GLS: variants seen among roughly 807,000 people sequenced by gnomAD.
The protein encoded by GLS is glutaminase.
A neutral mutation model predicts 86.7 loss-of-function variants in GLS; 36 were observed. The ratio of observed to expected loss-of-function variants is 0.42; its 90% CI spans 0.32 to 0.55. GLS has a LOEUF of 0.55. Among genes scored for constraint, GLS ranks in the 20% least tolerant of loss-of-function variants. The pLI is 0.17. For missense variants in GLS, 528 were observed against 833.4 expected, an observed-to-expected ratio of 0.63 and a Z score of 4.51; for synonymous variants, 317 against 305.9, an observed-to-expected ratio of 1.04 and a Z score of -0.38.
rs3771307 is a variant in GLS, at chr2:190,936,679, A to G, written c.1650+5042A>G. On this transcript the variant is annotated intron_variant, in intron 14 of 17. Coordinates refer to ENST00000320717, the MANE Select transcript of GLS (RefSeq NM_014905.5). ...ACTCTGGAAAAGTGAAACCAAGAATATTAGATTTCATGTGGAATTTAAAGC... is the reference window on the plus strand; with the variant it reads ...ACTCTGGAAAAGTGAAACCAAGAATGTTAGATTTCATGTGGAATTTAAAGC... 8.2e-4 allele frequency among the ~76,000 whole-genome samples: 124 copies of G among 151,362 alleles called. 1 individual carries two copies. The East Asian group carries it at 0.018, about 22-fold the overall frequency.
At position 190,938,556 on chromosome 2, in the gene GLS, C is replaced by T. The variant is rs944383638; in HGVS notation, c.1650+6919C>T. Among the ~76,000 whole-genome samples the T allele has an allele frequency of 3.3e-5, 5 of 151,464 alleles. No individual in the cohort carries two copies. The highest frequency in any genetic ancestry group is 1.2e-4 in the African/African-American group (5 of 41,410). ...ATTTGAAAGTAATCTTAAATGTTAC[C>T]TGGTACAGACTCCCACCCCACTCAG... is the stretch of plus-strand genomic sequence containing the variant. On this transcript the variant is annotated intron_variant, in intron 14 of 17. Transcript: ENST00000320717. This position sits in a 1 kb window ranked among gnomAD's most constrained non-coding sequence, Gnocchi z 4.1.
chr2:190,896,846 G>A (rs1360627101), intron 3 of GLS, among the ~76,000 whole-genome samples: 5 of 152,098 alleles, frequency 3.3e-5, no homozygotes, highest in Non-Finnish European at 7.4e-5. Flanking sequence ...AAATTTATTT[G>A]TGTCTTTGCG....
At chr2:190,881,541 G>A (rs1439935308) in intron 1 of GLS, 71 bp downstream of exon 1, 2 of 1,383,760 alleles carry the variant, frequency 1.4e-6, no homozygotes, top group Non-Finnish European at 2.0e-6. Flanking sequence ...GTGGGGCCCT[G>A]CGGTGGGGCG....
chr2:190,889,130 A>G (rs1395985130), intron 1 of GLS, among the ~76,000 whole-genome samples: 1 of 152,248 alleles, frequency 6.6e-6, no homozygotes. Context: ...TTTAAAGAAC[A>G]TTTAATTCCA....
intron 6 of GLS, among the ~76,000 whole-genome samples, chr2:190,907,239 A>G (rs1196108128): frequency 7.6e-6 from 1 of 131,328 alleles, no homozygotes; most frequent in African/African-American, 2.6e-5. Context: ...TTTTAATAAC[A>G]GTAGTTTTTT....
chr2:190,946,657 C>A (rs189807492), intron 14 of GLS, among the ~76,000 whole-genome samples: 1 of 152,056 alleles, frequency 6.6e-6, no homozygotes, highest in Non-Finnish European at 1.5e-5. Context: ...AACCAGTGAA[C>A]CAATTTTTCC....
At chr2:190,942,067 C>CTTTTTTTTTTTT (rs3036653) in intron 14 of GLS, among the ~76,000 whole-genome samples, 442 of 38,058 alleles carry the variant, frequency 0.012, 172 homozygotes, top group Non-Finnish European at 0.021. Flanking sequence ...ACTTTGAAGA[C>CTTTTTTTTTTTT]TTTTTTTTTT....
chr2:190,894,482 C>T lies in GLS; in HGVS notation c.387-670C>T, dbSNP rs150344592. Among the ~76,000 whole-genome samples, 1,053 of 152,236 alleles carry T rather than the reference C, an allele frequency of 6.9e-3. 3 individuals carry two copies. The highest frequency in any genetic ancestry group is 0.012 in the South Asian group (58 of 4,824). ...ACTACTGTCAGTGGAGTCTTACTCT[C>T]TGCCAGACATGTTCTAAAGATATTG... is the stretch of plus-strand genomic sequence containing the variant. On this transcript the variant is annotated intron_variant, in intron 1 of 17. Coordinates refer to ENST00000320717, the MANE Select transcript of GLS (RefSeq NM_014905.5).
In GLS at chr2:190,914,732, C is replaced by T. The variant is rs749778815; in HGVS notation, c.1038+4411C>T. ...TTTATGAATGGAATCAAGTGCGATA[C>T]TTACAAAATAACTCTGATGCATTGA... On this transcript the variant is annotated intron_variant, in intron 7 of 17. Coordinates refer to ENST00000320717, the MANE Select transcript of GLS (RefSeq NM_014905.5). This position sits in a 1 kb window ranked among gnomAD's most constrained non-coding sequence, Gnocchi z 4.4. Among the ~76,000 whole-genome samples, 13 of 152,034 alleles carry T rather than the reference C, an allele frequency of 8.6e-5. No individual in the cohort carries two copies. The highest frequency in any genetic ancestry group is 1.3e-4 in the Admixed American group (2 of 15,242).
At position 190,914,651 on chromosome 2, in the gene GLS, CTTT is replaced by C. The variant is rs889847055; in HGVS notation, c.1038+4333_1038+4335del. ...TTCACAAAATCGTTTTTAGTTACCT[CTTT>C]TTGCCTTTTTCCTCTATGATCTCTA... On this transcript the variant is annotated intron_variant, in intron 7 of 17. Coordinates refer to ENST00000320717, the MANE Select transcript of GLS (RefSeq NM_014905.5). This position sits in a 1 kb window ranked among gnomAD's most constrained non-coding sequence, Gnocchi z 4.4. Among the ~76,000 whole-genome samples the C allele has an allele frequency of 6.6e-6, 1 of 151,994 alleles. No individual in the cohort carries two copies. Among genetic ancestry groups the C allele is most frequent in the Non-Finnish European group, 1.5e-5 (1 of 67,980 alleles).
At chr2:190,950,734 A>G (rs924452249) in intron 14 of GLS, among the ~76,000 whole-genome samples, 1 of 152,218 alleles carries the variant, frequency 6.6e-6, no homozygotes. Flanking sequence ...CTCAACCTGC[A>G]TAAGTGAATG....
rs185825412 is a variant in GLS at position 190,914,111 on chromosome 2, T to C, written c.1038+3790T>C. ...TTGGCATGCCTCATTCTAGTGGTAGTTTCCAGTTTTTGTCATTTAAAGAAG... is the reference window on the plus strand; with the variant it reads ...TTGGCATGCCTCATTCTAGTGGTAGCTTCCAGTTTTTGTCATTTAAAGAAG... On this transcript the variant is annotated intron_variant, in intron 7 of 17. Coordinates refer to ENST00000320717, the MANE Select transcript of GLS (RefSeq NM_014905.5). The surrounding 1 kb of genome is among the most constrained non-coding windows in gnomAD (Gnocchi z 4.4). Among the ~76,000 whole-genome samples the C allele has an allele frequency of 1.1e-3, 165 of 152,350 alleles. No homozygotes were observed. The highest frequency in any genetic ancestry group is 8.4e-4 in the Non-Finnish European group (57 of 68,026).
chr2:190,932,203 A>G (rs772158355), intron 14 of GLS, among the ~76,000 whole-genome samples: 7 of 151,800 alleles, frequency 4.6e-5, no homozygotes, highest in Non-Finnish European at 7.4e-5. Flanking sequence ...TTACGGTCCT[A>G]TTTGTTTGTT....
At chr2:190,923,011 T>G (rs1264501016) in intron 9 of GLS, among the ~76,000 whole-genome samples, 1 of 152,204 alleles carries the variant, frequency 6.6e-6, no homozygotes, top group Non-Finnish European at 1.5e-5. Flanking sequence ...CCTCTCCTTT[T>G]TCTCATCAGG....
intron 14 of GLS, among the ~76,000 whole-genome samples, chr2:190,946,525 A>G (rs1237560305): frequency 1.3e-5 from 2 of 152,070 alleles, no homozygotes; most frequent in Admixed American, 1.3e-4. Flanking sequence ...TCATTATAGC[A>G]GTTCCAAACA....
At position 190,888,606 on chromosome 2, in the gene GLS, A is replaced by G. The variant is rs78812609; in HGVS notation, c.387-6546A>G. 7.4e-3 allele frequency among the ~76,000 whole-genome samples: 1,128 copies of G among 152,280 alleles called. 27 individuals carry two copies. Among genetic ancestry groups the G allele is most frequent in the East Asian group, 0.053 (273 of 5,184 alleles). On this transcript the variant is annotated intron_variant, in intron 1 of 17. Transcript: ENST00000320717. ...CAGTGGTGGTAGCAAAATAGCTGCAAACAATAGGTAAATAGATGTGGCAGT... is the reference window on the plus strand; with the variant it reads ...CAGTGGTGGTAGCAAAATAGCTGCAGACAATAGGTAAATAGATGTGGCAGT...
chr2:190,898,501 T>C (rs1161925743), intron 3 of GLS, among the ~76,000 whole-genome samples: 2 of 152,222 alleles, frequency 1.3e-5, no homozygotes, highest in African/African-American at 4.8e-5. Context: ...TTAGATACTC[T>C]CCTGAGAGGC....
intron 6 of GLS, among the ~76,000 whole-genome samples, chr2:190,909,008 G>A (rs928002353): frequency 6.6e-6 from 1 of 152,148 alleles, no homozygotes; most frequent in Non-Finnish European, 1.5e-5. Flanking sequence ...GCTCTGAAAT[G>A]ACAGATAATA....
At chr2:190,891,468 T>TA (rs747523727) in intron 1 of GLS, among the ~76,000 whole-genome samples, 121 of 143,496 alleles carry the variant, frequency 8.4e-4, no homozygotes, top group Middle Eastern at 3.5e-3. Context: ...CATGATAGGT[T>TA]AAAAAAAAAA....
Sources: gnomAD v4.1 joint callset for allele counts (sites outside exome capture counted in the v4.1 genomes callset) on GRCh38, gnomAD v4.1.1 for gene constraint, Gnocchi (gnomAD v3.1) non-coding constraint, MANE v1.5 for transcripts, NCBI Gene and HGNC (gene_info 2026-07-23, HGNC 2026-07-21) for gene names.